ZNF407: variants seen among roughly 807,000 people sequenced by gnomAD.
ZNF407 encodes zinc finger protein 407.
ZNF407 carries 17 observed loss-of-function variants against 131.2 expected under a neutral mutation model. That is an observed-to-expected ratio of 0.13 (90% CI 0.09 to 0.19). The LOEUF is 0.19. ZNF407 is among the 10% of genes least tolerant of loss of function. The pLI, the probability that ZNF407 is intolerant of heterozygous loss-of-function variation, is 1.00. For missense variants in ZNF407, 2,681 were observed against 2,830.6 expected, an observed-to-expected ratio of 0.95 and a Z score of 1.20; for synonymous variants, 1,156 against 1,062.0, an observed-to-expected ratio of 1.09 and a Z score of -1.72.
intron 4 of ZNF407, among the ~76,000 whole-genome samples, chr18:74,827,563 AT>A (rs917282321): frequency 6.6e-6 from 1 of 151,556 alleles, no homozygotes; most frequent in Non-Finnish European, 1.5e-5. Context: ...TGTCTCCATT[AT>A]TCTTGAAGCA....
chr18:74,625,891 A>G (rs1212167610), intron 1 of ZNF407, among the ~76,000 whole-genome samples: 1 of 152,212 alleles, frequency 6.6e-6, no homozygotes, highest in Non-Finnish European at 1.5e-5. Context: ...TTTACAGTCT[A>G]GCGTGTAGAG....
At chr18:74,991,374 T>C (rs1972716936) in intron 8 of ZNF407, among the ~76,000 whole-genome samples, 1 of 152,238 alleles carries the variant, frequency 6.6e-6, no homozygotes, top group African/African-American at 2.4e-5. Flanking sequence ...CTTTGATTTC[T>C]AGAACTATAT....
chr18:74,725,259 C>T (rs1451309603), intron 3 of ZNF407, among the ~76,000 whole-genome samples: 1 of 152,226 alleles, frequency 6.6e-6, no homozygotes, highest in East Asian at 1.9e-4. Context: ...GCTCAGACTC[C>T]CTGAGTAGCT....
chr18:74,616,224 T>G (rs1222634763), intron 1 of ZNF407, among the ~76,000 whole-genome samples: 1 of 152,224 alleles, frequency 6.6e-6, no homozygotes, highest in Non-Finnish European at 1.5e-5. Context: ...AAGACTGGTA[T>G]GGGCACCACA....
Position 74,826,558 on chromosome 18 carries a change from G to A in ZNF407, c.4877+45056G>A, listed in dbSNP as rs575213924. Reference sequence around the variant, plus strand: ...TGTCATATCTACATTTGTGGTGTTCGTAGGGTCAGGTAGGGAGAGGGATTC... The same window carrying A: ...TGTCATATCTACATTTGTGGTGTTCATAGGGTCAGGTAGGGAGAGGGATTC... On this transcript the variant is annotated intron_variant, in intron 4 of 8. Transcript: ENST00000299687. Among the ~76,000 whole-genome samples, 8 of 152,226 alleles carry A rather than the reference G, an allele frequency of 5.3e-5. No individual in the cohort carries two copies. The East Asian group carries it at 5.8e-4, about 11-fold the overall frequency.
At chr18:74,747,603 T>G (rs927920695) in intron 3 of ZNF407, among the ~76,000 whole-genome samples, 1 of 152,120 alleles carries the variant, frequency 6.6e-6, no homozygotes, top group African/African-American at 2.4e-5. Flanking sequence ...ATGGATTGTG[T>G]GTATGTGTGT....
chr18:74,933,025 A>T (rs1182200614), intron 8 of ZNF407, among the ~76,000 whole-genome samples: 1 of 152,188 alleles, frequency 6.6e-6, no homozygotes, highest in Non-Finnish European at 1.5e-5. Context: ...CGTATTATCC[A>T]GCAGTTCCAC....
Position 74,762,484 on chromosome 18 carries a change from T to C in ZNF407, c.4803-18944T>C, listed in dbSNP as rs528572162. ...ATGAATTTTAATACATATTTAGACA[T>C]ATGTGTATGTATTCTCCATGAAACC... On this transcript the variant is annotated intron_variant, in intron 3 of 8. Transcript: ENST00000299687. Among the ~76,000 whole-genome samples the C allele has an allele frequency of 3.9e-5, 6 of 152,262 alleles. No individual in the cohort carries two copies. The East Asian group carries it at 1.2e-3, about 29-fold the overall frequency.
chr18:74,603,425 T>C (rs1982668241), intron 1 of ZNF407, among the ~76,000 whole-genome samples: 1 of 152,138 alleles, frequency 6.6e-6, no homozygotes, highest in African/African-American at 2.4e-5. Context: ...CTATTAACAG[T>C]TTCTTGAGTT....
chr18:74,972,598 T>A (rs185924558), intron 8 of ZNF407, among the ~76,000 whole-genome samples: 1 of 152,362 alleles, frequency 6.6e-6, no homozygotes, highest in Admixed American at 6.5e-5. Flanking sequence ...TTGATTTCCT[T>A]TGGCTTCATG....
chr18:74,722,619 C>T (rs1568183101), intron 3 of ZNF407, among the ~76,000 whole-genome samples: 1 of 152,182 alleles, frequency 6.6e-6, no homozygotes, highest in Non-Finnish European at 1.5e-5. Context: ...AATTACCATT[C>T]TGCCTCTCCA....
Position 74,798,209 on chromosome 18 carries a change from A to AACACACACACACACACACAC in ZNF407, c.4877+16717_4877+16736dup, listed in dbSNP as rs35388545. ...TATTCTTTCTTTCTTCCTTTACACAAACACACACACACACACACACACACA... is the reference window on the plus strand; with the variant it reads ...TATTCTTTCTTTCTTCCTTTACACAAACACACACACACACACACACACACACACACACACACACACACACA... On this transcript the variant is annotated intron_variant, in intron 4 of 8. Coordinates refer to ENST00000299687, the MANE Select transcript of ZNF407 (RefSeq NM_017757.3). 4.6e-4 allele frequency among the ~76,000 whole-genome samples: 68 copies of AACACACACACACACACACAC among 147,930 alleles called. 2 individuals are homozygous for AACACACACACACACACACAC. Among genetic ancestry groups the AACACACACACACACACACAC allele is most frequent in the African/African-American group, 1.0e-3 (41 of 40,218 alleles).
intron 3 of ZNF407, among the ~76,000 whole-genome samples, chr18:74,649,651 T>G (rs1415989284): frequency 6.6e-6 from 1 of 152,200 alleles, no homozygotes; most frequent in Admixed American, 6.5e-5. Context: ...GGTCAAGAGC[T>G]TAAGTGACTT....
intron 4 of ZNF407, among the ~76,000 whole-genome samples, chr18:74,851,659 A>G (rs1235085804): frequency 6.6e-6 from 1 of 152,164 alleles, no homozygotes; most frequent in African/African-American, 2.4e-5. Flanking sequence ...AAATATTGTT[A>G]TATTTGGGAA....
chr18:74,774,514 T>C (rs896303004), intron 3 of ZNF407, among the ~76,000 whole-genome samples: 1 of 152,240 alleles, frequency 6.6e-6, no homozygotes, highest in African/African-American at 2.4e-5. Context: ...GACGTTACTT[T>C]TATCCTGATA....
intron 4 of ZNF407, among the ~76,000 whole-genome samples, chr18:74,831,629 TG>T (rs1568233900): frequency 6.6e-6 from 1 of 152,242 alleles, no homozygotes; most frequent in Non-Finnish European, 1.5e-5. Context: ...TATTACACCG[TG>T]TGTAAATACC....
intron 2 of ZNF407, among the ~76,000 whole-genome samples, chr18:74,637,924 G>A (rs557153538): frequency 2.6e-5 from 4 of 152,144 alleles, no homozygotes; most frequent in South Asian, 2.1e-4. Context: ...GAGTCTCCCC[G>A]TGTGCATGCT....
intron 8 of ZNF407, among the ~76,000 whole-genome samples, chr18:74,943,016 A>G (rs1330601531): frequency 2.0e-5 from 3 of 151,906 alleles, no homozygotes; most frequent in East Asian, 1.9e-4. Context: ...TCCTGGGTTC[A>G]AGCATTCTCC....
chr18:74,672,505 T>G (rs79004341), intron 3 of ZNF407, among the ~76,000 whole-genome samples: 1,710 of 151,428 alleles, frequency 0.011, 30 homozygotes, highest in African/African-American at 0.037. Context: ...TGGAGCACTG[T>G]GTCTCTGTTC....
Sources: gnomAD v4.1 joint callset for allele counts (sites outside exome capture counted in the v4.1 genomes callset) on GRCh38, gnomAD v4.1.1 for gene constraint, MANE v1.5 for transcripts, NCBI Gene and HGNC (gene_info 2026-07-23, HGNC 2026-07-21) for gene names.